The following NCAM1 variants were observed in gnomAD, a reference collection of about 807,000 sequenced individuals.
NCAM1 encodes the protein neural cell adhesion molecule 1.
A neutral mutation model predicts 109.8 loss-of-function variants in NCAM1; 14 were observed. That is an observed-to-expected ratio of 0.13 (90% confidence interval 0.08 to 0.20). NCAM1 has a LOEUF of 0.20. Ranked by LOEUF, NCAM1 falls within the 10% of genes least tolerant of loss-of-function variation. The probability of loss-of-function intolerance (pLI) is 1.00; values close to 1 mark genes in which losing one functional copy is unlikely to be tolerated. For synonymous variants in NCAM1, 418 were observed against 442.9 expected (o/e 0.94, Z 0.70); for missense variants, 774 against 1,109.9 (o/e 0.70, Z 4.30).
intron 1 of NCAM1, among the ~76,000 whole-genome samples, chr11:113,027,670 C>T (rs1247220260): frequency 6.6e-6 from 1 of 152,220 alleles, no homozygotes; most frequent in Non-Finnish European, 1.5e-5. Flanking sequence ...TGTGTAAGAA[C>T]TGTCTCACCC....
chr11:113,214,472 C>G lies in NCAM1; in HGVS notation c.1020C>G (p.Thr340=). 2 of 1,612,426 alleles carry G rather than the reference C, an allele frequency of 1.2e-6. No homozygotes were observed. The highest frequency in any genetic ancestry group is 1.7e-6 in the Non-Finnish European group (2 of 1,179,158). ...CCGGAGACCCCATTCCCTCCATCAC[C>G]TGGAGGACTTCTACCCGGAACATCA... ...EASGDPIPSI[T]WRTSTRNISS... The change falls in exon 8 of 20, where the codon ACC becomes ACG. Residue 340 remains threonine (T), a synonymous_variant. Coordinates refer to ENST00000316851, the MANE Select transcript of NCAM1 (RefSeq NM_181351.5).
At chr11:113,234,964 A>C in intron 13 of NCAM1, 69 bp from the exon 14 acceptor site, 1 of 1,485,122 alleles carries the variant, frequency 6.7e-7, no homozygotes, top group Non-Finnish European at 9.0e-7. Context: ...GACCCTCCCT[A>C]CTGTTTTTCA....
At chr11:113,146,265 A>T (rs540500978) in intron 1 of NCAM1, among the ~76,000 whole-genome samples, 14 of 152,352 alleles carry the variant, frequency 9.2e-5, no homozygotes, top group Non-Finnish European at 2.1e-4. Context: ...AGTTACTTTA[A>T]ACATAAAATA....
intron 1 of NCAM1, among the ~76,000 whole-genome samples, chr11:113,181,435 C>G (rs1244131515): frequency 6.6e-6 from 1 of 152,168 alleles, no homozygotes; most frequent in African/African-American, 2.4e-5. Context: ...CCAAACACCG[C>G]TTGTTCTACT....
At chr11:112,970,239 G>A (rs1950841841) in intron 1 of NCAM1, among the ~76,000 whole-genome samples, 1 of 152,304 alleles carries the variant, frequency 6.6e-6, no homozygotes, top group South Asian at 2.1e-4. Context: ...TAGCAACTGA[G>A]CGTGTGCTGC....
chr11:113,117,541 A>G (rs1225452965), intron 1 of NCAM1, among the ~76,000 whole-genome samples: 1 of 152,030 alleles, frequency 6.6e-6, no homozygotes. Flanking sequence ...AACCAAAATG[A>G]CTACAAAAAT....
chr11:113,056,202 A>C (rs1281125860), intron 1 of NCAM1, among the ~76,000 whole-genome samples: 7 of 151,318 alleles, frequency 4.6e-5, no homozygotes, highest in African/African-American at 1.7e-4. Flanking sequence ...GATCTCATGG[A>C]GGTAGAGAGT....
In NCAM1 at chr11:113,091,527, G is replaced by T. The variant is rs190375232; in HGVS notation, c.53-110852G>T. Reference sequence around the variant, plus strand: ...AAGAAGGCTAGGATCGAAATGTTAAGATGTAGAAAGTAGGTTAGAGGCCAG... The same window carrying T: ...AAGAAGGCTAGGATCGAAATGTTAATATGTAGAAAGTAGGTTAGAGGCCAG... On this transcript the variant is annotated intron_variant, in intron 1 of 19. Transcript: ENST00000316851. Among the ~76,000 whole-genome samples the T allele has an allele frequency of 1.3e-3, 201 of 152,320 alleles. 1 individual carries two copies. The highest frequency in any genetic ancestry group is 4.7e-3 in the African/African-American group (195 of 41,572).
chr11:113,125,142 G>C (rs1210640084), intron 1 of NCAM1, among the ~76,000 whole-genome samples: 2 of 152,162 alleles, frequency 1.3e-5, no homozygotes, highest in African/African-American at 4.8e-5. Context: ...GCACAGTTGG[G>C]TAGTAACTTT....
At chr11:113,182,867 G>C (rs1555108209) in intron 1 of NCAM1, among the ~76,000 whole-genome samples, 2 of 152,210 alleles carry the variant, frequency 1.3e-5, no homozygotes, top group Non-Finnish European at 2.9e-5. Flanking sequence ...GACCTCTGAT[G>C]TGCTGCCACC....
At chr11:112,980,763 T>A (rs1951133400) in intron 1 of NCAM1, among the ~76,000 whole-genome samples, 1 of 151,880 alleles carries the variant, frequency 6.6e-6, no homozygotes, top group Non-Finnish European at 1.5e-5. Flanking sequence ...CTATGAAGGT[T>A]TATTTTAATC....
intron 9 of NCAM1, among the ~76,000 whole-genome samples, chr11:113,224,010 G>A (rs538140787): frequency 6.6e-6 from 1 of 152,200 alleles, no homozygotes; most frequent in Non-Finnish European, 1.5e-5. Flanking sequence ...CATGAGCGAC[G>A]CAGAAGACGG....
chr11:112,973,880 T>C (rs1555067233), intron 1 of NCAM1, among the ~76,000 whole-genome samples: 1 of 152,170 alleles, frequency 6.6e-6, no homozygotes, highest in Non-Finnish European at 1.5e-5. Flanking sequence ...CATGCTTCAT[T>C]GTGGAGCTGT....
At chr11:113,212,262 TA>T (rs1944410866) in intron 7 of NCAM1, among the ~76,000 whole-genome samples, 1 of 152,200 alleles carries the variant, frequency 6.6e-6, no homozygotes, top group Non-Finnish European at 1.5e-5. Flanking sequence ...TCTAGAGTAA[TA>T]GAGAATTAAA....
intron 14 of NCAM1, chr11:113,243,073 C>G (rs1300964556): frequency 2.0e-5 from 15 of 759,338 alleles, no homozygotes; most frequent in Non-Finnish European, 2.4e-5. Flanking sequence ...AAGAATACTC[C>G]GTGCATGAGG....
At chr11:112,992,698 G>A (rs1478060091) in intron 1 of NCAM1, among the ~76,000 whole-genome samples, 2 of 151,724 alleles carry the variant, frequency 1.3e-5, no homozygotes, top group African/African-American at 2.4e-5. Flanking sequence ...TAGTAGAGAC[G>A]GGGTTTCACT....
At chr11:113,185,079 T>TATAGAGAGAGAGAGAGAGAGAG in intron 1 of NCAM1, among the ~76,000 whole-genome samples, 1 of 125,760 alleles carries the variant, frequency 8.0e-6, no homozygotes, top group African/African-American at 3.2e-5. Flanking sequence ...TATATATATA[T>TATAGAGAGAGAGAGAGAGAGAG]AGAGAGAGAG....
At chr11:113,149,768 C>A (rs1942158978) in intron 1 of NCAM1, among the ~76,000 whole-genome samples, 1 of 152,112 alleles carries the variant, frequency 6.6e-6, no homozygotes, top group Admixed American at 6.5e-5. Context: ...GTTTCCTAGC[C>A]AGAGAACAAA....
chr11:113,131,894 A>G (rs1301990114), intron 1 of NCAM1, among the ~76,000 whole-genome samples: 5 of 152,188 alleles, frequency 3.3e-5, no homozygotes, highest in African/African-American at 1.2e-4. Flanking sequence ...CTGTATGCCC[A>G]TTGGTAAAGG....
Sources: gnomAD v4.1 joint callset for allele counts (sites outside exome capture counted in the v4.1 genomes callset) on GRCh38, gnomAD v4.1.1 for gene constraint, MANE v1.5 for transcripts, NCBI Gene and HGNC (gene_info 2026-07-23, HGNC 2026-07-21) for gene names.